FSIP1: variants seen among roughly 807,000 people sequenced by gnomAD.
The protein encoded by FSIP1 is fibrous sheath-interacting protein 1.
Under a neutral mutation model 60.9 loss-of-function variants are expected in FSIP1, and 65 were observed. The observed-to-expected ratio is 1.07, with a 90% CI of 0.87 to 1.31. The LOEUF is 1.31. Among genes scored for constraint, FSIP1 ranks in the 40% most tolerant of loss-of-function variants. The pLI, the probability that FSIP1 is intolerant of heterozygous loss-of-function variation, is 0.00. For missense variants in FSIP1, 675 were observed against 665.5 expected (o/e 1.01, Z -0.16); for synonymous variants, 209 against 221.2 (o/e 0.94, Z 0.49).
At chr15:39,620,041 C>A (rs1484007771) in intron 10 of FSIP1, among the ~76,000 whole-genome samples, 1 of 151,536 alleles carries the variant, frequency 6.6e-6, no homozygotes, top group Non-Finnish European at 1.5e-5. Context: ...GAAGGAAAAT[C>A]AAAGCAATTA....
chr15:39,707,816 C>A (rs539223424), intron 10 of FSIP1, among the ~76,000 whole-genome samples: 37 of 152,196 alleles, frequency 2.4e-4, no homozygotes, highest in African/African-American at 8.4e-4. Context: ...GAGATTCAAA[C>A]CCCAAGCAGT....
chr15:39,778,941 T>C (rs561799404), intron 1 of FSIP1, among the ~76,000 whole-genome samples: 83 of 152,262 alleles, frequency 5.5e-4, no homozygotes, highest in Admixed American at 1.8e-3. Context: ...AATTATGGAA[T>C]TAATGACTTA....
chr15:39,714,716 C>T (rs1257660371), intron 9 of FSIP1, among the ~76,000 whole-genome samples: 1 of 151,522 alleles, frequency 6.6e-6, no homozygotes, highest in South Asian at 2.1e-4. Context: ...TACCTGTAAC[C>T]CCAACACTCC....
intron 10 of FSIP1, among the ~76,000 whole-genome samples, chr15:39,701,008 T>C (rs1175189314): frequency 6.6e-6 from 1 of 152,054 alleles, no homozygotes; most frequent in Non-Finnish European, 1.5e-5. Flanking sequence ...AAAAATTAGC[T>C]GGGCATGGTG....
Position 39,600,859 on chromosome 15 carries a change from G to A in FSIP1, c.*21C>T. ...AACTTCATTACCAACTTTCTGAAAAGCACACCCAGCAAGTCCTTGATTAGG... is the reference window on the plus strand; with the variant it reads ...AACTTCATTACCAACTTTCTGAAAAACACACCCAGCAAGTCCTTGATTAGG... On this transcript the variant is annotated 3_prime_UTR_variant, in exon 12 of 12. Transcript: ENST00000350221. The A allele has an allele frequency of 6.3e-7, 1 of 1,588,130 alleles. No homozygotes were observed.
chr15:39,672,322 C>T (rs1193642433), intron 10 of FSIP1, among the ~76,000 whole-genome samples: 2 of 152,184 alleles, frequency 1.3e-5, no homozygotes, highest in Non-Finnish European at 2.9e-5. Flanking sequence ...GCTGTGATTA[C>T]TGTCGTCCTC....
chr15:39,678,733 A>G (rs1159856716), intron 10 of FSIP1, among the ~76,000 whole-genome samples: 1 of 152,186 alleles, frequency 6.6e-6, no homozygotes, highest in African/African-American at 2.4e-5. Flanking sequence ...CAATAACTGT[A>G]TCAGAATTCT....
At chr15:39,778,558 G>A (rs1410975387) in intron 1 of FSIP1, among the ~76,000 whole-genome samples, 1 of 152,182 alleles carries the variant, frequency 6.6e-6, no homozygotes, top group Non-Finnish European at 1.5e-5. Context: ...AAGCATTTGA[G>A]AAGAAATTGC....
chr15:39,602,792 C>T (rs1890688265), intron 11 of FSIP1, among the ~76,000 whole-genome samples: 1 of 152,152 alleles, frequency 6.6e-6, no homozygotes, highest in African/African-American at 2.4e-5. Flanking sequence ...ACCTCCCATC[C>T]CTCTATAGTG....
intron 10 of FSIP1, among the ~76,000 whole-genome samples, chr15:39,650,388 T>A (rs893715125): frequency 3.9e-5 from 6 of 152,352 alleles, no homozygotes; most frequent in African/African-American, 1.4e-4. Flanking sequence ...TATGGTATCA[T>A]CCTGTTACTT....
At chr15:39,685,559 AT>A (rs1426606550) in intron 10 of FSIP1, among the ~76,000 whole-genome samples, 1 of 152,194 alleles carries the variant, frequency 6.6e-6, no homozygotes, top group African/African-American at 2.4e-5. Context: ...TCTATCACTA[AT>A]TGTTTTGGAA....
At chr15:39,749,901 T>G (rs764604826) in intron 5 of FSIP1, among the ~76,000 whole-genome samples, 2 of 152,004 alleles carry the variant, frequency 1.3e-5, no homozygotes, top group African/African-American at 4.8e-5. Flanking sequence ...TGATTTTGTA[T>G]GTAGAAAACC....
chr15:39,750,418 T>A (rs147394653), intron 5 of FSIP1, among the ~76,000 whole-genome samples: 2 of 151,982 alleles, frequency 1.3e-5, no homozygotes, highest in Non-Finnish European at 1.5e-5. Context: ...CAAAACAGTA[T>A]AATACTGGCA....
intron 4 of FSIP1, among the ~76,000 whole-genome samples, chr15:39,764,682 G>C (rs1897621668): frequency 6.6e-6 from 1 of 152,142 alleles, no homozygotes; most frequent in African/African-American, 2.4e-5. Context: ...AGAGGTCCAA[G>C]AAGGCCAAGG....
At chr15:39,741,708 G>C (rs1031992421) in intron 6 of FSIP1, 97 bp downstream of exon 6, 10 of 659,760 alleles carry the variant, frequency 1.5e-5, no homozygotes, top group Non-Finnish European at 2.7e-5. Flanking sequence ...CTTACCTTTG[G>C]ATTAAATTAC....
chr15:39,708,019 G>A (rs7181929), intron 10 of FSIP1, among the ~76,000 whole-genome samples: 2,635 of 152,266 alleles, frequency 0.017, 73 homozygotes, highest in African/African-American at 0.057. Context: ...GGAAATGATG[G>A]AGAGACTGTC....
intron 10 of FSIP1, among the ~76,000 whole-genome samples, chr15:39,696,247 A>G (rs1894808904): frequency 1.3e-5 from 2 of 152,352 alleles, no homozygotes; most frequent in Middle Eastern, 3.4e-3. Flanking sequence ...TATGTGACAA[A>G]GAGTATATGT....
chr15:39,759,015 T>C (rs1897396298), intron 5 of FSIP1, among the ~76,000 whole-genome samples: 1 of 152,084 alleles, frequency 6.6e-6, no homozygotes. Flanking sequence ...TCATATCTAA[T>C]ACCAAAATAA....
At chr15:39,705,624 AAT>A (rs1033451699) in intron 10 of FSIP1, among the ~76,000 whole-genome samples, 7 of 151,878 alleles carry the variant, frequency 4.6e-5, no homozygotes, top group African/African-American at 1.4e-4. Context: ...CCAATATACG[AAT>A]ATATATATAT....
Sources: gnomAD v4.1 joint callset for allele counts (sites outside exome capture counted in the v4.1 genomes callset) on GRCh38, gnomAD v4.1.1 for gene constraint, MANE v1.5 for transcripts, NCBI Gene and HGNC (gene_info 2026-07-23, HGNC 2026-07-21) for gene names.